The following SPIDR variants were observed in gnomAD, a reference collection of about 807,000 sequenced individuals.
SPIDR encodes DNA repair-scaffolding protein.
Under a neutral mutation model 104.6 loss-of-function variants are expected in SPIDR, and 93 were observed. The observed-to-expected ratio is 0.89, with a 90% confidence interval of 0.75 to 1.06. The LOEUF (loss-of-function observed/expected upper bound fraction) is 1.06, where lower values mean the gene tolerates loss of function less well. Among genes scored for constraint, SPIDR ranks in the 50% least tolerant of loss-of-function variants. SPIDR has a pLI of 0.00. For synonymous variants in SPIDR, 431 were observed against 416.9 expected (o/e 1.03, Z -0.41); for missense variants, 1,154 against 1,111.2 (o/e 1.04, Z -0.55).
intron 8 of SPIDR, among the ~76,000 whole-genome samples, chr8:47,568,551 T>A (rs1025172750): frequency 5.3e-5 from 8 of 152,180 alleles, no homozygotes; most frequent in South Asian, 2.1e-4. Flanking sequence ...AAAATCATGG[T>A]CAAGTTCAGC....
intron 8 of SPIDR, chr8:47,512,142 C>T (rs898204083): frequency 7.4e-5 from 32 of 430,754 alleles, no homozygotes; most frequent in African/African-American, 4.7e-4. Context: ...GCTCCGCTGC[C>T]GTCTTCATCC....
chr8:47,735,451 C>T lies in SPIDR; in HGVS notation c.*1C>T, dbSNP rs369178664. The stretch of plus-strand genomic sequence containing the variant: ...AGGAGGGGCCTCTGCAGAACACTAG[C>T]GGTTGCCGCAGGATCTGTGAACTTT... On this transcript the variant is annotated 3_prime_UTR_variant, in exon 20 of 20. Transcript: ENST00000297423. 5 of 1,613,998 alleles carry T rather than the reference C, an allele frequency of 3.1e-6. No homozygotes were observed. Among genetic ancestry groups the T allele is most frequent in the Non-Finnish European group, 3.4e-6 (4 of 1,180,032 alleles).
intron 8 of SPIDR, among the ~76,000 whole-genome samples, chr8:47,543,281 C>T (rs1351752678): frequency 6.6e-6 from 1 of 152,118 alleles, no homozygotes; most frequent in Non-Finnish European, 1.5e-5. Flanking sequence ...TTTTACATTG[C>T]CACGAGTAAT....
At chr8:47,642,539 G>T (rs2069313942) in intron 10 of SPIDR, among the ~76,000 whole-genome samples, 1 of 152,158 alleles carries the variant, frequency 6.6e-6, no homozygotes, top group South Asian at 2.1e-4. Flanking sequence ...TTTGGGACCT[G>T]TCATAAACTC....
chr8:47,266,472 A>C (rs2034077425), intron 1 of SPIDR, among the ~76,000 whole-genome samples: 2 of 152,212 alleles, frequency 1.3e-5, no homozygotes, highest in Non-Finnish European at 2.9e-5. Context: ...GTAGTGTTCC[A>C]TATAATGGAT....
intron 3 of SPIDR, among the ~76,000 whole-genome samples, chr8:47,289,498 A>C (rs1302831712): frequency 6.6e-6 from 1 of 152,128 alleles, no homozygotes; most frequent in Non-Finnish European, 1.5e-5. Context: ...TCCTTTTCTG[A>C]CCAATATCAG....
rs907434850 is a variant in SPIDR at position 47,728,962 on chromosome 8, G to A, written c.2465G>A (p.Arg822Gln). ...RGAFSCGDCS[R>Q]VVTSPVLKRH... ...GCCTTTTCCTGTGGGGACTGCTCCC[G>A]GGTGGTCACATCTCCTGTTCTCAAG... The change falls in exon 18 of 20, where the codon CGG (arginine) becomes CAG (glutamine). Residue 822 changes from arginine (R) to glutamine (Q), a missense_variant. Coordinates refer to ENST00000297423, the MANE Select transcript of SPIDR (RefSeq NM_001080394.4). 10 of 1,613,652 alleles carry A rather than the reference G, an allele frequency of 6.2e-6. No individual in the cohort carries two copies. Among genetic ancestry groups the A allele is most frequent in the African/African-American group, 2.7e-5 (2 of 74,872 alleles).
chr8:47,427,379 G>C (rs2066588305), intron 7 of SPIDR, among the ~76,000 whole-genome samples: 1 of 151,490 alleles, frequency 6.6e-6, no homozygotes, highest in African/African-American at 2.4e-5. Flanking sequence ...TACCATTATA[G>C]GGAGATAGAT....
At chr8:47,641,202 C>T (rs1448847439) in intron 10 of SPIDR, among the ~76,000 whole-genome samples, 1 of 152,088 alleles carries the variant, frequency 6.6e-6, no homozygotes, top group African/African-American at 2.4e-5. Flanking sequence ...CACTGTCACG[C>T]AGACTGGAGT....
intron 7 of SPIDR, among the ~76,000 whole-genome samples, chr8:47,419,475 C>G (rs2065010723): frequency 1.3e-5 from 2 of 152,042 alleles, no homozygotes; most frequent in South Asian, 4.2e-4. Context: ...TCCCCTTTAT[C>G]AATTTTTATT....
chr8:47,578,508 T>C (rs2059374675), intron 8 of SPIDR, among the ~76,000 whole-genome samples: 1 of 151,970 alleles, frequency 6.6e-6, no homozygotes, highest in South Asian at 2.1e-4. Context: ...ATAGAACAAG[T>C]ACAGTTCTTT....
chr8:47,335,431 T>C (rs1554608164), intron 5 of SPIDR, among the ~76,000 whole-genome samples: 1 of 152,162 alleles, frequency 6.6e-6, no homozygotes, highest in East Asian at 1.9e-4. Flanking sequence ...ATTCTTTGTT[T>C]ATGTGGTTTT....
intron 10 of SPIDR, among the ~76,000 whole-genome samples, chr8:47,609,473 T>C (rs2063358418): frequency 6.6e-6 from 1 of 152,234 alleles, no homozygotes; most frequent in Non-Finnish European, 1.5e-5. Flanking sequence ...TTATGTTTAG[T>C]ACTAGTAGTA....
chr8:47,264,282 G>T (rs2033350674), intron 1 of SPIDR, among the ~76,000 whole-genome samples: 1 of 152,232 alleles, frequency 6.6e-6, no homozygotes, highest in Non-Finnish European at 1.5e-5. Context: ...GAAAGAGGAA[G>T]AGGAGGAAAC....
chr8:47,342,716 A>C (rs1554614896), intron 5 of SPIDR, among the ~76,000 whole-genome samples: 1 of 151,934 alleles, frequency 6.6e-6, no homozygotes, highest in Non-Finnish European at 1.5e-5. Flanking sequence ...TTCCTTTCTT[A>C]TCGACGCTGG....
Position 47,713,484 on chromosome 8 carries a change from G to T in SPIDR, c.2189-5G>T, listed in dbSNP as rs187418762. 1 of 1,614,046 alleles carries T rather than the reference G, an allele frequency of 6.2e-7. No homozygotes were observed. Among genetic ancestry groups the T allele is most frequent in the Middle Eastern group, 1.7e-4 (1 of 6,060 alleles). ...TTCAATAACCTGAAGTGTCTCTGTCGGCAGGTCGGATTGTTTGTGCTGAAC... is the reference window on the plus strand; with the variant it reads ...TTCAATAACCTGAAGTGTCTCTGTCTGCAGGTCGGATTGTTTGTGCTGAAC... On this transcript the variant is annotated splice_polypyrimidine_tract_variant and splice_region_variant and intron_variant, in intron 15 of 19. Coordinates refer to ENST00000297423, the MANE Select transcript of SPIDR (RefSeq NM_001080394.4).
At chr8:47,535,564 A>G (rs553669765) in intron 8 of SPIDR, among the ~76,000 whole-genome samples, 23 of 152,284 alleles carry the variant, frequency 1.5e-4, no homozygotes, top group African/African-American at 5.5e-4. Context: ...TACCCTGACC[A>G]AGTTTACCAT....
chr8:47,522,424 T>C (rs2084310235), intron 8 of SPIDR, among the ~76,000 whole-genome samples: 1 of 152,166 alleles, frequency 6.6e-6, no homozygotes, highest in Non-Finnish European at 1.5e-5. Context: ...AATTCATTTA[T>C]TTTCTCCATT....
At chr8:47,460,630 C>G (rs1428066070) in intron 8 of SPIDR, among the ~76,000 whole-genome samples, 1 of 152,062 alleles carries the variant, frequency 6.6e-6, no homozygotes, top group Non-Finnish European at 1.5e-5. Flanking sequence ...TTAAGTGGAG[C>G]ATTTAAGCCA....
Sources: gnomAD v4.1 joint callset for allele counts (sites outside exome capture counted in the v4.1 genomes callset) on GRCh38, gnomAD v4.1.1 for gene constraint, MANE v1.5 for transcripts, NCBI Gene and HGNC (gene_info 2026-07-23, HGNC 2026-07-21) for gene names.